Variants in PCDHA9 observed in about 807,000 individuals in gnomAD.
PCDHA9 encodes the protein protocadherin alpha 9, also known as protocadherin alpha-9.
PCDHA9 carries 62 observed loss-of-function variants against 62.0 expected under a neutral mutation model. The ratio of observed to expected loss-of-function variants is 1.00; its 90% CI spans 0.81 to 1.23. The LOEUF (loss-of-function observed/expected upper bound fraction) is 1.23, where lower values mean the gene tolerates loss of function less well. Ranked by LOEUF, PCDHA9 falls within the 50% of genes most tolerant of loss-of-function variation. The pLI, the probability that PCDHA9 is intolerant of heterozygous loss-of-function variation, is 0.00. For missense variants in PCDHA9, 1,205 were observed against 1,249.8 expected, an observed-to-expected ratio of 0.96 and a Z score of 0.54; for synonymous variants, 557 against 567.6, an observed-to-expected ratio of 0.98 and a Z score of 0.27.
chr5:140,883,098 T>C lies in PCDHA9; in HGVS notation c.2394+32209T>C, dbSNP rs369154076. 21 of 1,614,014 alleles carry C rather than the reference T, an allele frequency of 1.3e-5. No homozygotes were observed. In the East Asian group the frequency reaches 4.0e-4, roughly 31 times the overall value. On this transcript the variant is annotated intron_variant, in intron 1 of 3. Coordinates refer to ENST00000532602, the MANE Select transcript of PCDHA9 (RefSeq NM_031857.2). ...CCTGATGATGGTACAAATGGAGATA[T>C]AGTTTACTCATTTAGAAGGCCTGTA... is the stretch of plus-strand genomic sequence containing the variant.
chr5:140,927,530 GC>G, intron 1 of PCDHA9: 1 of 1,614,080 alleles, frequency 6.2e-7, no homozygotes, highest in Non-Finnish European at 8.5e-7. Flanking sequence ...CTACCTGCCC[GC>G]TCAGGAGACG....
chr5:140,903,587 G>A (rs62384486), intron 1 of PCDHA9, among the ~76,000 whole-genome samples: 1 of 152,156 alleles, frequency 6.6e-6, no homozygotes, highest in African/African-American at 2.4e-5. Context: ...GCTGGTGTTG[G>A]CCTGATAAAT....
intron 3 of PCDHA9, among the ~76,000 whole-genome samples, chr5:141,006,959 A>G (rs2098296620): frequency 6.6e-6 from 1 of 152,142 alleles, no homozygotes; most frequent in East Asian, 1.9e-4. Context: ...GTTATACATG[A>G]GATTGGAGCA....
rs1364118007 is a variant in PCDHA9 at position 140,899,089 on chromosome 5, G to T, written c.2394+48200G>T. Among the ~76,000 whole-genome samples the T allele has an allele frequency of 5.3e-5, 8 of 152,134 alleles. No individual in the cohort carries two copies. The East Asian group carries it at 1.5e-3, about 29-fold the overall frequency. On this transcript the variant is annotated intron_variant, in intron 1 of 3. Coordinates refer to ENST00000532602, the MANE Select transcript of PCDHA9 (RefSeq NM_031857.2). ...TGCTTATCAGCTTAAGGAGATTTTG[G>T]GCTGAGATAATGGGGTTTTCTAGAT...
At chr5:140,946,241 T>A (rs797039382) in intron 1 of PCDHA9, among the ~76,000 whole-genome samples, 5 of 152,044 alleles carry the variant, frequency 3.3e-5, no homozygotes, top group African/African-American at 1.2e-4. Context: ...ATGCTCAACA[T>A]CATGAATCAT....
rs368758287 is a variant in PCDHA9 at position 140,883,621 on chromosome 5, C to A, written c.2394+32732C>A. On this transcript the variant is annotated intron_variant, in intron 1 of 3. Transcript: ENST00000532602. ...TGGGGGTGGCCGACGTGAACGACAACGCGCCGGCGTTCGCGCAGCCCGAGT... is the reference window on the plus strand; with the variant it reads ...TGGGGGTGGCCGACGTGAACGACAAAGCGCCGGCGTTCGCGCAGCCCGAGT... 5 of 1,613,850 alleles carry A rather than the reference C, an allele frequency of 3.1e-6. No individual in the cohort carries two copies. In the African/African-American group the frequency reaches 4.0e-5, roughly 13 times the overall value.
At chr5:140,870,389 G>A (rs1262225558) in intron 1 of PCDHA9, 1 of 1,614,132 alleles carries the variant, frequency 6.2e-7, no homozygotes, top group Non-Finnish European at 8.5e-7. Context: ...GCGCGGGATG[G>A]GGGTTCGCCT....
chr5:141,001,448 G>A (rs1465333650), intron 3 of PCDHA9, among the ~76,000 whole-genome samples: 1 of 152,190 alleles, frequency 6.6e-6, no homozygotes, highest in Non-Finnish European at 1.5e-5. Context: ...TCTTTCCACT[G>A]TCAATTGAAG....
intron 1 of PCDHA9, chr5:140,870,176 TACGAGAGG>T: frequency 6.2e-7 from 1 of 1,614,126 alleles, no homozygotes; most frequent in Non-Finnish European, 8.5e-7. Flanking sequence ...TCCCTCCCAG[TACGAGAGG>T]ACGCTCAGCC....
intron 1 of PCDHA9, among the ~76,000 whole-genome samples, chr5:140,959,250 G>A (rs2095476529): frequency 6.6e-6 from 1 of 152,030 alleles, no homozygotes. Context: ...GATAGTGCAT[G>A]ACTGTAGTCC....
chr5:140,870,475 G>T, intron 1 of PCDHA9: 2 of 1,614,214 alleles, frequency 1.2e-6, no homozygotes, highest in Non-Finnish European at 1.7e-6. Flanking sequence ...CGCACAGCCC[G>T]AGTACACCGT....
intron 1 of PCDHA9, chr5:140,930,569 A>G (rs1448447791): frequency 6.6e-6 from 1 of 152,542 alleles, no homozygotes; most frequent in Non-Finnish European, 1.5e-5. Flanking sequence ...AAGCAATTCT[A>G]CGGTATTACT....
chr5:140,938,113 C>CT (rs1337308557), intron 1 of PCDHA9, among the ~76,000 whole-genome samples: 1 of 152,056 alleles, frequency 6.6e-6, no homozygotes, highest in Non-Finnish European at 1.5e-5. Context: ...TACTTTCTCT[C>CT]TTTTTTTAAA....
intron 1 of PCDHA9, among the ~76,000 whole-genome samples, chr5:140,949,378 A>G (rs2094372256): frequency 6.6e-6 from 1 of 151,852 alleles, no homozygotes; most frequent in South Asian, 2.1e-4. Flanking sequence ...TGTCCTATCA[A>G]TTGCTCAGAG....
Position 141,010,415 on chromosome 5 carries a change from C to T in PCDHA9, c.*478C>T. ...ACGAGCCAGCTTAGACTAATTGGTA[C>T]AAGGAAGGCAAGAAAACAAAGACAA... On this transcript the variant is annotated 3_prime_UTR_variant, in exon 4 of 4. Transcript: ENST00000532602. 1 of 1,160,734 alleles carries T rather than the reference C, an allele frequency of 8.6e-7. No homozygotes were observed. 71.9% of individuals were successfully genotyped at this position (1,160,734 alleles called of 1,614,324 possible).
chr5:140,948,542 C>A (rs141026678), intron 1 of PCDHA9, among the ~76,000 whole-genome samples: 66 of 151,648 alleles, frequency 4.4e-4, no homozygotes, highest in African/African-American at 1.5e-3. Flanking sequence ...ATTTCATGCT[C>A]TGTCAATTTT....
At chr5:140,882,088 T>G (rs1334008975) in intron 1 of PCDHA9, 3 of 1,087,274 alleles carry the variant, frequency 2.8e-6, no homozygotes, top group African/African-American at 1.6e-5. Flanking sequence ...CGCTCTTCAC[T>G]GAGAACGTTT....
intron 1 of PCDHA9, chr5:140,881,399 T>C (rs2058702396): frequency 1.0e-6 from 1 of 975,460 alleles, no homozygotes; most frequent in Non-Finnish European, 1.2e-6. Flanking sequence ...TTAAATTCTA[T>C]TAAATCAATA....
At chr5:140,899,693 A>G (rs1269311819) in intron 1 of PCDHA9, among the ~76,000 whole-genome samples, 1 of 152,240 alleles carries the variant, frequency 6.6e-6, no homozygotes, top group East Asian at 1.9e-4. Flanking sequence ...TGCTGGCCTC[A>G]TAAAATGAGT....
Sources: gnomAD v4.1 joint callset for allele counts (sites outside exome capture counted in the v4.1 genomes callset) on GRCh38, gnomAD v4.1.1 for gene constraint, MANE v1.5 for transcripts, NCBI Gene and HGNC (gene_info 2026-07-23, HGNC 2026-07-21) for gene names.